The following MYOF variants were observed in gnomAD, a reference collection of about 807,000 sequenced individuals.
The protein encoded by MYOF is myoferlin.
MYOF carries 244 observed loss-of-function variants against 284.2 expected under a neutral mutation model. The ratio of observed to expected loss-of-function variants is 0.86; its 90% CI spans 0.77 to 0.95. The LOEUF is 0.95. Among genes scored for constraint, MYOF ranks in the 40% least tolerant of loss-of-function variants. The probability of loss-of-function intolerance (pLI) is 0.00; values close to 1 mark genes in which losing one functional copy is unlikely to be tolerated. For synonymous variants in MYOF, 904 were observed against 919.7 expected (o/e 0.98, Z 0.31); for missense variants, 2,496 against 2,560.6 (o/e 0.97, Z 0.54).
chr10:93,465,971 T>C (rs2134365925), intron 1 of MYOF, among the ~76,000 whole-genome samples: 1 of 152,280 alleles, frequency 6.6e-6, no homozygotes, highest in South Asian at 2.1e-4. Flanking sequence ...CGTGGCTCCA[T>C]TCCAGGCTTC....
intron 29 of MYOF, among the ~76,000 whole-genome samples, chr10:93,359,279 C>T (rs1044610198): frequency 2.6e-5 from 4 of 152,198 alleles, no homozygotes; most frequent in Non-Finnish European, 5.9e-5. Context: ...ATAGATGATG[C>T]ATACTCAGTA....
chr10:93,356,872 A>G (rs760436706), intron 29 of MYOF, 24 bp from the exon 30 acceptor site: 1 of 1,588,330 alleles, frequency 6.3e-7, no homozygotes, highest in Non-Finnish European at 8.6e-7. Context: ...AAACATGTTA[A>G]TGATGACGAT....
chr10:93,381,105 C>T (rs74742707), intron 20 of MYOF, 114 bp downstream of exon 20: 21,654 of 1,175,196 alleles, frequency 0.018, 298 homozygotes, highest in Non-Finnish European at 0.023. Flanking sequence ...CTTTTCCTTT[C>T]CACTAACCAT....
chr10:93,337,790 C>T lies in MYOF; in HGVS notation c.4437+25G>A, dbSNP rs371223669. The T allele has an allele frequency of 3.2e-4, 513 of 1,587,890 alleles. 1 individual carries two copies. The highest frequency in any genetic ancestry group is 4.3e-4 in the Non-Finnish European group (494 of 1,156,942). ...AGTTTCAAAGGATGTTGATTCTCCA[C>T]CCATAGCAGCATAGATCCAGGTACC... On this transcript the variant is annotated intron_variant, in intron 40 of 53. Transcript: ENST00000359263.
intron 29 of MYOF, among the ~76,000 whole-genome samples, chr10:93,358,121 C>T (rs1009085034): frequency 3.9e-5 from 6 of 152,084 alleles, no homozygotes; most frequent in Admixed American, 3.9e-4. Flanking sequence ...AAAACAACCA[C>T]ATTAAAAAGT....
chr10:93,419,244 C>A (rs189330926), intron 5 of MYOF, among the ~76,000 whole-genome samples: 1 of 152,134 alleles, frequency 6.6e-6, no homozygotes, highest in African/African-American at 2.4e-5. Context: ...CTCACTGCAA[C>A]CTCCGCCTCC....
At chr10:93,392,220 A>G (rs930426993) in intron 17 of MYOF, among the ~76,000 whole-genome samples, 2 of 152,216 alleles carry the variant, frequency 1.3e-5, no homozygotes, top group African/African-American at 4.8e-5. Flanking sequence ...ACACAGCTTC[A>G]GAGTTTGCAA....
At position 93,370,314 on chromosome 10, in the gene MYOF, A is replaced by ATTTTTTTTTTTTTTTT. The variant is rs916555324; in HGVS notation, c.2458-554_2458-539dup. Among the ~76,000 whole-genome samples, 490 of 122,340 alleles carry ATTTTTTTTTTTTTTTT rather than the reference A, an allele frequency of 4.0e-3. 45 individuals carry two copies. The highest frequency in any genetic ancestry group is 0.016 in the African/African-American group (464 of 28,192). 80.3% of individuals were successfully genotyped at this position (122,340 alleles called of 152,430 possible). A position where few individuals can be genotyped will look rare whatever the true frequency, so the allele number is the denominator to read the frequency against. ...GTTGATCAAGCAGTAATGATTACTA[A>ATTTTTTTTTTTTTTTT]TTTTTTTTTTTTTTTTTTTTTGAGA... On this transcript the variant is annotated intron_variant, in intron 24 of 53. Transcript: ENST00000359263.
chr10:93,356,722 A>G lies in MYOF; in HGVS notation c.3247T>C (p.Ser1083Pro). 6.2e-7 allele frequency: 1 copy of G among 1,614,106 alleles called. No homozygotes were observed. Residue 1083 changes from serine (S) to proline (P), a missense_variant, in exon 30 of 54, where the codon TCA becomes CCA. Ser to Pro is a moderately conservative substitution (Grantham distance 74). This residue lies in a region of MYOF where 2,436 missense variants were observed against 2,480.7 expected (regional missense o/e 0.98). Transcript: ENST00000359263. The stretch of plus-strand genomic sequence containing the variant: ...ATGGCAGCTGCACCATGTGTTTCTG[A>G]AGGAGCCATTTTTCTCCTCCAGCGT... The part of the protein sequence containing the change: ...RRRWRRKMAP[S>P]ETHGAAAIFK...
At chr10:93,391,435 C>T (rs788083) in intron 17 of MYOF, among the ~76,000 whole-genome samples, 146,663 of 151,628 alleles carry the variant, frequency 0.97, 71,136 homozygotes, top group East Asian at 1. Flanking sequence ...CTACTAAAAA[C>T]ACAAAAAAAA....
At chr10:93,437,723 C>G (rs932769058) in intron 3 of MYOF, among the ~76,000 whole-genome samples, 1 of 152,160 alleles carries the variant, frequency 6.6e-6, no homozygotes, top group Non-Finnish European at 1.5e-5. Context: ...AGCAGGGGCT[C>G]TCAGTTGGCC....
intron 3 of MYOF, among the ~76,000 whole-genome samples, chr10:93,451,531 C>T (rs1402659638): frequency 6.6e-6 from 1 of 152,058 alleles, no homozygotes. Context: ...ACGGGCACCA[C>T]CGTGACCCTT....
At chr10:93,413,754 C>T (rs1189561657) in intron 5 of MYOF, among the ~76,000 whole-genome samples, 2 of 151,836 alleles carry the variant, frequency 1.3e-5, no homozygotes, top group African/African-American at 2.4e-5. Context: ...TTTGGGAGGC[C>T]GAAGCAGGAG....
intron 17 of MYOF, among the ~76,000 whole-genome samples, chr10:93,390,738 T>C (rs901006007): frequency 5.9e-5 from 9 of 151,476 alleles, no homozygotes; most frequent in Non-Finnish European, 1.3e-4. Flanking sequence ...TGGGTGCGAA[T>C]AGAGAATTAA....
intron 31 of MYOF, 26 bp downstream of exon 31, chr10:93,355,602 T>TA (rs1344876030): frequency 6.5e-7 from 1 of 1,549,040 alleles, no homozygotes; most frequent in South Asian, 1.2e-5. Flanking sequence ...TAAAATAAAA[T>TA]AAATCAAAAA....
intron 5 of MYOF, among the ~76,000 whole-genome samples, chr10:93,410,887 A>G (rs994377563): frequency 3.3e-5 from 5 of 152,224 alleles, no homozygotes; most frequent in Admixed American, 6.5e-5. Flanking sequence ...ACTATGTAGC[A>G]TAGCTCTTGA....
chr10:93,436,392 A>G (rs1341329580), intron 3 of MYOF, among the ~76,000 whole-genome samples: 1 of 152,188 alleles, frequency 6.6e-6, no homozygotes, highest in Non-Finnish European at 1.5e-5. Context: ...CTTTAGTTCC[A>G]TATCCTATTT....
At chr10:93,384,376 A>G (rs1417871575) in intron 19 of MYOF, among the ~76,000 whole-genome samples, 1 of 152,234 alleles carries the variant, frequency 6.6e-6, no homozygotes, top group African/African-American at 2.4e-5. Flanking sequence ...GTGGTGGTTT[A>G]CGCCTTTAAT....
intron 48 of MYOF, among the ~76,000 whole-genome samples, chr10:93,321,948 A>AT (rs1453869551): frequency 2.0e-5 from 3 of 151,918 alleles, no homozygotes; most frequent in Non-Finnish European, 4.4e-5. Flanking sequence ...TTATTCTCTG[A>AT]TTAGAGGAGT....
Sources: gnomAD v4.1 joint callset for allele counts (sites outside exome capture counted in the v4.1 genomes callset) on GRCh38, gnomAD v4.1.1 for gene constraint, gnomAD v4.1.1 regional missense constraint, MANE v1.5 for transcripts, NCBI Gene and HGNC (gene_info 2026-07-23, HGNC 2026-07-21) for gene names.